The following HECTD4 variants were observed in gnomAD, a reference collection of about 807,000 sequenced individuals.
HECTD4 encodes HECT domain E3 ubiquitin protein ligase 4.
A neutral mutation model predicts 471.5 loss-of-function variants in HECTD4; 114 were observed. The observed-to-expected ratio is 0.24, with a 90% CI of 0.21 to 0.28. The LOEUF (loss-of-function observed/expected upper bound fraction) is 0.28. HECTD4 is among the 10% of genes least tolerant of loss of function. The pLI is 1.00. For missense variants in HECTD4, 3,866 were observed against 5,651.5 expected, an observed-to-expected ratio of 0.68 and a Z score of 10.13; for synonymous variants, 2,012 against 2,256.0, an observed-to-expected ratio of 0.89 and a Z score of 3.07.
chr12:112,344,927 A>C lies in HECTD4; in HGVS notation c.178-25185T>G, dbSNP rs532389008. Among the ~76,000 whole-genome samples the C allele has an allele frequency of 2.0e-5, 3 of 152,132 alleles. No homozygotes were observed. The South Asian group carries it at 6.2e-4, about 32-fold the overall frequency. On this transcript the variant is annotated intron_variant, in intron 1 of 75. Coordinates refer to ENST00000682272, the MANE Select transcript of HECTD4 (RefSeq NM_001388303.1). ...GAATGAAACTCCGTCTCAAAAAAAG[A>C]AAAGAGAAGAGAAGAGAAGAGAGAA...
rs1160999058 is a variant in HECTD4, at chr12:112,166,229, T to G, written c.12534+1088A>C. On this transcript the variant is annotated intron_variant, in intron 72 of 75. Transcript: ENST00000682272. The surrounding 1 kb of genome is among the most constrained non-coding windows in gnomAD (Gnocchi z 4.6). ...TTCTTCCACCCTTTAGACAATGCCT[T>G]GTCATCCCTGTTTCTACCGAGAAGC... 3 of 152,264 alleles carry G rather than the reference T, an allele frequency of 2.0e-5. No homozygotes were observed. The highest frequency in any genetic ancestry group is 4.4e-5 in the Non-Finnish European group (3 of 68,094). 9.4% of individuals were successfully genotyped at this position (152,264 alleles called of 1,614,324 possible). A position where few individuals can be genotyped will look rare whatever the true frequency, so the allele number is the denominator to read the frequency against.
In HECTD4 at chr12:112,201,073, A is replaced by G. The variant is rs551421558; in HGVS notation, c.8407-275T>C. The G allele has an allele frequency of 2.6e-4, 131 of 513,618 alleles. 2 individuals are homozygous for G. Among genetic ancestry groups the G allele is most frequent in the South Asian group, 2.0e-3 (131 of 63,936 alleles). The allele number at this position is 513,618 out of a possible 1,614,324, so 31.8% of individuals were successfully genotyped here. A position where few individuals can be genotyped will look rare whatever the true frequency, so the allele number is the denominator to read the frequency against. On this transcript the variant is annotated intron_variant, in intron 54 of 75. Coordinates refer to ENST00000682272, the MANE Select transcript of HECTD4 (RefSeq NM_001388303.1). ...TTTTCTAAGAAAATAACAAAATAACAAACATCAGAAATGGGAGAGATCTTA... is the reference window on the plus strand; with the variant it reads ...TTTTCTAAGAAAATAACAAAATAACGAACATCAGAAATGGGAGAGATCTTA...
At position 112,169,652 on chromosome 12, in the gene HECTD4, A is replaced by T. The variant is rs1186588570; in HGVS notation, c.12059T>A (p.Ile4020Asn). Residue 4020 changes from isoleucine to asparagine, a missense_variant, in exon 70 of 76, where the codon ATC (isoleucine) becomes AAC (asparagine). Physicochemically the swap from Ile to Asn is moderately radical, Grantham distance 149. This residue lies in a region of HECTD4 where 715 missense variants were observed against 1,087.6 expected (regional missense o/e 0.66). Coordinates refer to ENST00000682272, the MANE Select transcript of HECTD4 (RefSeq NM_001388303.1). ...LDPLEIVGGEIRASENSYFCQ... is the reference protein window; with the variant it reads ...LDPLEIVGGENRASENSYFCQ... ...GAAGTAGGAGTTTTCAGAAGCTCTG[A>T]TTTCCCCTGGAAAGTGAGATGAGCT... 6.2e-7 allele frequency: 1 copy of T among 1,613,012 alleles called. No homozygotes were observed.
intron 58 of HECTD4, 113 bp downstream of exon 58, chr12:112,192,948 A>C (rs2032132163): frequency 7.5e-7 from 1 of 1,336,934 alleles, no homozygotes; most frequent in Non-Finnish European, 1.0e-6. Context: ...GAGAATTGTA[A>C]GTCATTTGCA....
chr12:112,376,679 G>C (rs999720500), intron 1 of HECTD4, among the ~76,000 whole-genome samples: 4 of 152,156 alleles, frequency 2.6e-5, no homozygotes, highest in African/African-American at 9.7e-5. Context: ...CAAATATGCT[G>C]AGGACGCTTC....
chr12:112,295,824 T>TACAC (rs368319930), intron 7 of HECTD4, among the ~76,000 whole-genome samples: 10,705 of 149,086 alleles, frequency 0.072, 446 homozygotes, highest in East Asian at 0.14. Flanking sequence ...TATATATATA[T>TACAC]ACACACACAC....
At chr12:112,316,349 C>T (rs529091960) in intron 2 of HECTD4, among the ~76,000 whole-genome samples, 1 of 152,298 alleles carries the variant, frequency 6.6e-6, no homozygotes, top group East Asian at 1.9e-4. Flanking sequence ...CCTCCACAGT[C>T]ATTCTCTATC....
chr12:112,364,689 C>T (rs1310871180), intron 1 of HECTD4, among the ~76,000 whole-genome samples: 1 of 152,168 alleles, frequency 6.6e-6, no homozygotes, highest in Non-Finnish European at 1.5e-5. Context: ...TGACTGCGCG[C>T]CACTGCCCTC....
rs11066205 is a variant in HECTD4, at chr12:112,234,104, T to C, written c.5915+973A>G. On this transcript the variant is annotated intron_variant, in intron 37 of 75. Coordinates refer to ENST00000682272, the MANE Select transcript of HECTD4 (RefSeq NM_001388303.1). ...TATTTTCTTAGCAACCTTTCACCTA[T>C]TTTCAACTATCTCACCTATCTCAAA... Among the ~76,000 whole-genome samples the C allele has an allele frequency of 7.2e-4, 110 of 152,290 alleles. 2 individuals are homozygous for C. The highest frequency in any genetic ancestry group is 7.1e-3 in the Admixed American group (109 of 15,288).
intron 7 of HECTD4, among the ~76,000 whole-genome samples, chr12:112,292,764 T>C (rs1040737899): frequency 7.2e-5 from 11 of 152,318 alleles, no homozygotes; most frequent in African/African-American, 2.2e-4. Flanking sequence ...GGCTCATGCC[T>C]GTAATCCCAG....
chr12:112,198,177 A>G (rs894102467), intron 55 of HECTD4, among the ~76,000 whole-genome samples: 1 of 152,224 alleles, frequency 6.6e-6, no homozygotes, highest in Non-Finnish European at 1.5e-5. Flanking sequence ...AACAGCAGTA[A>G]AAACATCAGG....
intron 7 of HECTD4, among the ~76,000 whole-genome samples, chr12:112,287,333 G>A (rs1476170824): frequency 6.6e-6 from 1 of 152,076 alleles, no homozygotes; most frequent in Non-Finnish European, 1.5e-5. Flanking sequence ...ACCCAGATAC[G>A]GCAATATAGT....
At chr12:112,374,386 A>G (rs1032252084) in intron 1 of HECTD4, among the ~76,000 whole-genome samples, 3 of 152,232 alleles carry the variant, frequency 2.0e-5, no homozygotes, top group African/African-American at 7.2e-5. Flanking sequence ...AGCAAGGAGC[A>G]GAGCTAGAAT....
At position 112,219,498 on chromosome 12, in the gene HECTD4, G is replaced by A. The variant is rs1280516682; in HGVS notation, c.6971-9C>T. ...AACTGCAAGTCGCTCTCCTGTAGAG[G>A]GCACATGTTGAATCTGTGAAAACAA... On this transcript the variant is annotated splice_polypyrimidine_tract_variant and intron_variant, in intron 44 of 75. Coordinates refer to ENST00000682272, the MANE Select transcript of HECTD4 (RefSeq NM_001388303.1). 6.2e-7 allele frequency: 1 copy of A among 1,600,816 alleles called. No homozygotes were observed. Among genetic ancestry groups the A allele is most frequent in the Non-Finnish European group, 8.5e-7 (1 of 1,169,906 alleles).
In HECTD4 at chr12:112,228,960, A is replaced by C; in HGVS notation, c.6520-149T>G. 2.6e-6 allele frequency: 2 copies of C among 755,428 alleles called. No homozygotes were observed. The highest frequency in any genetic ancestry group is 2.2e-6 in the Non-Finnish European group (1 of 455,190). 46.8% of individuals were successfully genotyped at this position (755,428 alleles called of 1,614,324 possible). A position where few individuals can be genotyped will look rare whatever the true frequency, so the allele number is the denominator to read the frequency against. On this transcript the variant is annotated intron_variant, in intron 41 of 75. Transcript: ENST00000682272. The surrounding 1 kb of genome is among the most constrained non-coding windows in gnomAD (Gnocchi z 4.9). The stretch of plus-strand genomic sequence containing the variant: ...ACTAGGGTAGCAGATACCAAGCCCT[A>C]GACATGACTTATAATAGGCCCTAAA...
At chr12:112,307,849 T>G (rs950809463) in intron 6 of HECTD4, among the ~76,000 whole-genome samples, 1 of 152,240 alleles carries the variant, frequency 6.6e-6, no homozygotes, top group Non-Finnish European at 1.5e-5. Flanking sequence ...TGTAAAGAGT[T>G]CAAAGTACTG....
rs2030712748 is a variant in HECTD4, at chr12:112,162,138, ACTGT to A, written c.*245_*248del. 8.8e-6 allele frequency: 4 copies of A among 456,964 alleles called. No individual in the cohort carries two copies. The highest frequency in any genetic ancestry group is 1.2e-5 in the Non-Finnish European group (3 of 254,518). 28.3% of individuals were successfully genotyped at this position (456,964 alleles called of 1,614,324 possible). ...TCCAAGAAGATCAAATTAGACACAA[ACTGT>A]CTGGGAACTAAACTATCCTACAAAT... On this transcript the variant is annotated 3_prime_UTR_variant, in exon 76 of 76. Coordinates refer to ENST00000682272, the MANE Select transcript of HECTD4 (RefSeq NM_001388303.1). The surrounding 1 kb of genome is among the most constrained non-coding windows in gnomAD (Gnocchi z 5.2).
At position 112,270,395 on chromosome 12, in the gene HECTD4, TATGCACATCGCACCAACGTGGTGC is replaced by T; in HGVS notation, c.1983_2006del (p.His663_His670del). ...TGGTGGCAAGAAGATTGAGTTGGTG[TATGCACATCGCACCAACGTGGTGC>T]AATAATTGGTTTATAACCTCATTCG... On this transcript the variant is annotated inframe_deletion, in exon 12 of 76. Coordinates refer to ENST00000682272, the MANE Select transcript of HECTD4 (RefSeq NM_001388303.1). The T allele has an allele frequency of 6.2e-7, 1 of 1,614,024 alleles. No homozygotes were observed. The highest frequency in any genetic ancestry group is 8.5e-7 in the Non-Finnish European group (1 of 1,179,900).
At chr12:112,305,532 T>C (rs1475206594) in intron 7 of HECTD4, among the ~76,000 whole-genome samples, 2 of 152,224 alleles carry the variant, frequency 1.3e-5, no homozygotes, top group Non-Finnish European at 2.9e-5. Context: ...GGTTAATCTT[T>C]ATGCCTCTCC....
Sources: allele counts gnomAD v4.1 joint callset (sites outside exome capture counted in the v4.1 genomes callset), GRCh38; gene constraint gnomAD v4.1.1; regional missense constraint gnomAD v4.1.1; non-coding constraint Gnocchi (gnomAD v3.1); transcripts MANE v1.5; gene names NCBI Gene and HGNC (gene_info 2026-07-23, HGNC 2026-07-21).